Variants in SAMSN1 observed in about 807,000 individuals in gnomAD.
The protein encoded by SAMSN1 is SAM domain, SH3 domain and nuclear localization signals 1.
In SAMSN1, 31 loss-of-function variants were observed where a neutral mutation model predicts 42.0. That is an observed-to-expected ratio of 0.74 (90% confidence interval 0.55 to 1.00). The LOEUF is 1.00. Ranked by LOEUF, SAMSN1 falls within the 50% of genes least tolerant of loss-of-function variation. The pLI, the probability that SAMSN1 is intolerant of heterozygous loss-of-function variation, is 0.00. For missense variants in SAMSN1, 464 were observed against 439.4 expected, an observed-to-expected ratio of 1.06 and a Z score of -0.50; for synonymous variants, 178 against 151.9, an observed-to-expected ratio of 1.17 and a Z score of -1.26.
At position 14,562,126 on chromosome 21, in the gene SAMSN1, A is replaced by G. The variant is rs144312736; in HGVS notation, c.261+20010T>C. Among the ~76,000 whole-genome samples the G allele has an allele frequency of 9.9e-4, 151 of 152,344 alleles. 1 individual carries two copies. The highest frequency in any genetic ancestry group is 3.2e-4 in the Non-Finnish European group (22 of 68,038). ...CTGAATGTAAGGTGAGCATGTATAC[A>G]TTTACATGGGGTGGGGAACAATTGA... On this transcript the variant is annotated intron_variant, in intron 2 of 8. Transcript: ENST00000285670.
At chr21:14,595,675 G>T (rs188987818) in intron 6 of SAMSN1, among the ~76,000 whole-genome samples, 16 of 152,126 alleles carry the variant, frequency 1.1e-4, no homozygotes, top group Admixed American at 1.0e-3. Context: ...GAGAGTTTAA[G>T]CAACAAGTTT....
At chr21:14,492,611 G>A (rs1986741179) in intron 7 of SAMSN1, among the ~76,000 whole-genome samples, 1 of 152,114 alleles carries the variant, frequency 6.6e-6, no homozygotes, top group South Asian at 2.1e-4. Flanking sequence ...TATATATACG[G>A]CCATTAGAGA....
intron 5 of SAMSN1, among the ~76,000 whole-genome samples, chr21:14,504,073 AACACCCCATGGG>A (rs1243958589): frequency 6.6e-6 from 1 of 152,186 alleles, no homozygotes; most frequent in Non-Finnish European, 1.5e-5. Flanking sequence ...ACATCAAGGG[AACACCCCATGGG>A]ACAAAAGAAT....
intron 6 of SAMSN1, among the ~76,000 whole-genome samples, chr21:14,598,977 A>G (rs1982352510): frequency 6.6e-6 from 1 of 152,192 alleles, no homozygotes; most frequent in Non-Finnish European, 1.5e-5. Flanking sequence ...ATAATAGGGA[A>G]CAAAAATAAA....
intron 6 of SAMSN1, among the ~76,000 whole-genome samples, chr21:14,499,171 T>A (rs182841453): frequency 4.8e-4 from 73 of 152,268 alleles, no homozygotes; most frequent in African/African-American, 1.4e-3. Flanking sequence ...ATTGGAAGCT[T>A]TTACTAAGCA....
At chr21:14,523,783 G>A (rs575605578) in intron 1 of SAMSN1, among the ~76,000 whole-genome samples, 2 of 152,200 alleles carry the variant, frequency 1.3e-5, no homozygotes, top group South Asian at 2.1e-4. Flanking sequence ...GAATAGACTC[G>A]TTTCAGCATT....
rs1269673515 is a variant in SAMSN1 at position 14,601,308 on chromosome 21, G to A, written c.399+715C>T. Among the ~76,000 whole-genome samples the A allele has an allele frequency of 4.6e-5, 7 of 152,100 alleles. No individual in the cohort carries two copies. The South Asian group carries it at 8.3e-4, about 18-fold the overall frequency. On this transcript the variant is annotated intron_variant, in intron 6 of 15. Transcript: ENST00000647101. Reference sequence around the variant, plus strand: ...GATCTACCATCTAATTTATTGGAGGGCCTCCAATAGCCTCAGGAATCAGGC... The same window carrying A: ...GATCTACCATCTAATTTATTGGAGGACCTCCAATAGCCTCAGGAATCAGGC...
intron 2 of SAMSN1, among the ~76,000 whole-genome samples, chr21:14,616,497 G>A (rs890541509): frequency 6.6e-6 from 1 of 152,136 alleles, no homozygotes; most frequent in Non-Finnish European, 1.5e-5. Flanking sequence ...CCCTCAGGGT[G>A]TTGAAATACA....
upstream of SAMSN1, among the ~76,000 whole-genome samples, chr21:14,546,720 CT>C (rs1310339788): frequency 2.0e-3 from 304 of 149,320 alleles, 1 homozygote; most frequent in African/African-American, 7.1e-3. Flanking sequence ...TATATTTTTT[CT>C]TTTTTTGATA....
intron 2 of SAMSN1, among the ~76,000 whole-genome samples, chr21:14,561,219 G>A (rs1980938442): frequency 6.6e-6 from 1 of 151,866 alleles, no homozygotes; most frequent in South Asian, 2.1e-4. Context: ...CAGTGCCCGA[G>A]GACCATTTTC....
At chr21:14,559,348 G>C (rs1408424471) in intron 2 of SAMSN1, among the ~76,000 whole-genome samples, 1 of 152,124 alleles carries the variant, frequency 6.6e-6, no homozygotes, top group Non-Finnish European at 1.5e-5. Context: ...CCTTACCAAG[G>C]CAGCAATGGG....
At chr21:14,496,621 C>A (rs73171377) in intron 7 of SAMSN1, among the ~76,000 whole-genome samples, 2 of 152,136 alleles carry the variant, frequency 1.3e-5, no homozygotes, top group African/African-American at 2.4e-5. Context: ...TTTACCTGAA[C>A]GAACTTACTA....
chr21:14,485,902 G>C lies in SAMSN1; in HGVS notation c.*10C>G. 1 of 1,607,830 alleles carries C rather than the reference G, an allele frequency of 6.2e-7. No individual in the cohort carries two copies. The highest frequency in any genetic ancestry group is 1.1e-5 in the South Asian group (1 of 90,936). ...AATGCATCTGTAGATATATAGTTGG[G>C]AATGCGTGTTCAGTCACTTGGCTCT... is the stretch of plus-strand genomic sequence containing the variant. On this transcript the variant is annotated 3_prime_UTR_variant, in exon 8 of 8. Coordinates refer to ENST00000400566, the MANE Select transcript of SAMSN1 (RefSeq NM_022136.5).
At chr21:14,489,867 T>C (rs1313243928) in intron 7 of SAMSN1, among the ~76,000 whole-genome samples, 1 of 152,108 alleles carries the variant, frequency 6.6e-6, no homozygotes, top group Non-Finnish European at 1.5e-5. Context: ...ACGTCTAATA[T>C]AATTATTCAC....
intron 7 of SAMSN1, among the ~76,000 whole-genome samples, chr21:14,488,693 T>C (rs1469705538): frequency 6.6e-6 from 1 of 152,198 alleles, no homozygotes; most frequent in African/African-American, 2.4e-5. Context: ...AGGTCATTTA[T>C]TGTAGAAACC....
intron 2 of SAMSN1, among the ~76,000 whole-genome samples, chr21:14,577,617 G>A (rs146990850): frequency 1.6e-4 from 24 of 151,924 alleles, no homozygotes; most frequent in African/African-American, 5.6e-4. Flanking sequence ...GATGTGCCAT[G>A]CTCTTAGCTT....
chr21:14,496,331 T>C lies in SAMSN1; in HGVS notation c.919+2111A>G, dbSNP rs367745609. Reference sequence around the variant, plus strand: ...ATCTCCATCTCTGCACTCATCTAGCTGTTCGACTTCTTTGAAATTCATCTC... The same window carrying C: ...ATCTCCATCTCTGCACTCATCTAGCCGTTCGACTTCTTTGAAATTCATCTC... On this transcript the variant is annotated intron_variant, in intron 7 of 7. Transcript: ENST00000400566. 5.9e-5 allele frequency: 9 copies of C among 152,372 alleles called. No homozygotes were observed. In the South Asian group the frequency reaches 1.9e-3, roughly 32 times the overall value. The allele number at this position is 152,372 out of a possible 1,614,324, so 9.4% of individuals were successfully genotyped here.
At chr21:14,632,165 A>C (rs1983346566) in intron 2 of SAMSN1, among the ~76,000 whole-genome samples, 1 of 151,976 alleles carries the variant, frequency 6.6e-6, no homozygotes, top group African/African-American at 2.4e-5. Context: ...CCATTGTGGT[A>C]GTAGCTGCTT....
chr21:14,639,342 G>A (rs1448023924), intron 2 of SAMSN1, among the ~76,000 whole-genome samples: 1 of 152,156 alleles, frequency 6.6e-6, no homozygotes, highest in East Asian at 1.9e-4. Flanking sequence ...CACATCTCGT[G>A]AGGACCTTCT....
Sources: gnomAD v4.1 joint callset for allele counts (sites outside exome capture counted in the v4.1 genomes callset) on GRCh38, gnomAD v4.1.1 for gene constraint, MANE v1.5 for transcripts, NCBI Gene and HGNC (gene_info 2026-07-23, HGNC 2026-07-21) for gene names.